FAT3: variants seen among roughly 807,000 people sequenced by gnomAD.
FAT3 encodes protocadherin Fat 3.
In FAT3, 95 loss-of-function variants were observed where a neutral mutation model predicts 310.2. The ratio of observed to expected loss-of-function variants is 0.31; its 90% CI spans 0.26 to 0.36. The LOEUF (loss-of-function observed/expected upper bound fraction) is 0.36, where lower values mean the gene tolerates loss of function less well. FAT3 is among the 10% of genes least tolerant of loss of function. The pLI, the probability that FAT3 is intolerant of heterozygous loss-of-function variation, is 1.00. For missense variants in FAT3, 5,408 were observed against 5,715.6 expected, an observed-to-expected ratio of 0.95 and a Z score of 1.74; for synonymous variants, 2,314 against 2,192.9, an observed-to-expected ratio of 1.06 and a Z score of -1.54.
intron 21 of FAT3, among the ~76,000 whole-genome samples, chr11:92,863,107 T>C (rs549836851): frequency 2.0e-5 from 3 of 152,320 alleles, no homozygotes; most frequent in African/African-American, 7.2e-5. Flanking sequence ...TTTTGTATTT[T>C]TGTTTGTGGG....
intron 2 of FAT3, among the ~76,000 whole-genome samples, chr11:92,448,728 G>T (rs1951280248): frequency 6.6e-6 from 1 of 152,160 alleles, no homozygotes; most frequent in East Asian, 1.9e-4. Flanking sequence ...TGCTGAAAGT[G>T]TGCTGGGAAA....
At chr11:92,860,125 G>T (rs958157339) in intron 21 of FAT3, among the ~76,000 whole-genome samples, 7 of 152,112 alleles carry the variant, frequency 4.6e-5, no homozygotes, top group African/African-American at 1.7e-4. Context: ...CAGTAATCTG[G>T]GTGACAGAGA....
chr11:92,474,141 G>C (rs181879258), intron 2 of FAT3, among the ~76,000 whole-genome samples: 2 of 152,162 alleles, frequency 1.3e-5, no homozygotes, highest in African/African-American at 2.4e-5. Flanking sequence ...TATAAACCCT[G>C]TGCTGAGGCT....
chr11:92,385,930 G>A (rs1240234673), intron 2 of FAT3, among the ~76,000 whole-genome samples: 8 of 152,036 alleles, frequency 5.3e-5, no homozygotes, highest in African/African-American at 1.9e-4. Context: ...CGGATCACTT[G>A]AGTCCAGGAG....
chr11:92,314,124 C>A (rs1334448644), intron 1 of FAT3, among the ~76,000 whole-genome samples: 8 of 152,162 alleles, frequency 5.3e-5, no homozygotes, highest in African/African-American at 1.9e-4. Context: ...ATTTATCAAA[C>A]CTTCAAACTT....
At chr11:92,486,129 G>GTTT (rs1565353395) in intron 2 of FAT3, among the ~76,000 whole-genome samples, 14 of 27,684 alleles carry the variant, frequency 5.1e-4, no homozygotes, top group African/African-American at 1.1e-3. Context: ...AGGCTGCTGG[G>GTTT]GTTTTTTTTT....
chr11:92,327,705 C>T (rs767232950), intron 1 of FAT3, among the ~76,000 whole-genome samples: 18 of 152,120 alleles, frequency 1.2e-4, no homozygotes, highest in Non-Finnish European at 2.1e-4. Context: ...CTGAAAGCTC[C>T]GGGTCCCATC....
At chr11:92,440,292 A>T (rs918682460) in intron 2 of FAT3, among the ~76,000 whole-genome samples, 7 of 152,128 alleles carry the variant, frequency 4.6e-5, no homozygotes, top group African/African-American at 1.4e-4. Flanking sequence ...GGAGTCAGTA[A>T]ATTGTTTGTT....
At chr11:92,280,154 G>A (rs1300002037) in intron 1 of FAT3, among the ~76,000 whole-genome samples, 2 of 152,088 alleles carry the variant, frequency 1.3e-5, no homozygotes, top group Non-Finnish European at 2.9e-5. Flanking sequence ...AAGGAAGAGG[G>A]AACATTAGTG....
At chr11:92,281,484 C>T (rs1055620662) in intron 1 of FAT3, among the ~76,000 whole-genome samples, 1 of 152,126 alleles carries the variant, frequency 6.6e-6, no homozygotes, top group Non-Finnish European at 1.5e-5. Context: ...GATCAGGATG[C>T]CTCTCTTCTG....
intron 4 of FAT3, 105 bp downstream of exon 4, chr11:92,697,550 A>T: frequency 9.1e-7 from 1 of 1,097,910 alleles, no homozygotes. Flanking sequence ...AGTGGATATC[A>T]AAGTGAAGAT....
chr11:92,548,675 C>T (rs978914004), intron 3 of FAT3, among the ~76,000 whole-genome samples: 1 of 152,140 alleles, frequency 6.6e-6, no homozygotes, highest in African/African-American at 2.4e-5. Context: ...CCCTAGAAAC[C>T]TATAGCAGTG....
chr11:92,866,572 G>A (rs1949251781), intron 21 of FAT3, among the ~76,000 whole-genome samples, 169 bp from the exon 22 acceptor site: 1 of 152,182 alleles, frequency 6.6e-6, no homozygotes, highest in Admixed American at 6.5e-5. Flanking sequence ...CAGGTAAGGG[G>A]GAGGCACAGT....
intron 3 of FAT3, among the ~76,000 whole-genome samples, chr11:92,692,124 T>A (rs1943813174): frequency 1.3e-5 from 2 of 152,040 alleles, no homozygotes; most frequent in Admixed American, 6.6e-5. Flanking sequence ...CTGAAAAAAA[T>A]TTTTAAAAGG....
At chr11:92,471,915 CTATATATATATATA>C (rs140886151) in intron 2 of FAT3, among the ~76,000 whole-genome samples, 42,770 of 124,904 alleles carry the variant, frequency 0.34, 8,559 homozygotes, top group South Asian at 0.45. Context: ...TTTTCATATG[CTATATATATATATA>C]TATATATATA....
At chr11:92,575,512 AAAAACCTTGT>A (rs1938436151) in intron 3 of FAT3, among the ~76,000 whole-genome samples, 1 of 152,200 alleles carries the variant, frequency 6.6e-6, no homozygotes, top group Admixed American at 6.5e-5. Context: ...AATCCTCTCT[AAAAACCTTGT>A]AAAAGAATTG....
chr11:92,306,029 G>C (rs1333904204), intron 1 of FAT3, among the ~76,000 whole-genome samples: 1 of 152,016 alleles, frequency 6.6e-6, no homozygotes, highest in Non-Finnish European at 1.5e-5. Context: ...GAAACTCTTT[G>C]AACAAATTTT....
chr11:92,341,478 C>A (rs891980714), intron 1 of FAT3, among the ~76,000 whole-genome samples: 3 of 151,898 alleles, frequency 2.0e-5, no homozygotes, highest in South Asian at 2.1e-4. Flanking sequence ...ACGGGAGAGC[C>A]GAAGGAACAA....
At chr11:92,389,870 C>CT (rs1475528679) in intron 2 of FAT3, among the ~76,000 whole-genome samples, 1 of 151,936 alleles carries the variant, frequency 6.6e-6, no homozygotes, top group Non-Finnish European at 1.5e-5. Context: ...TGGAGTTTTT[C>CT]TTTTTTACCC....
Sources: allele counts gnomAD v4.1 joint callset (sites outside exome capture counted in the v4.1 genomes callset), GRCh38; gene constraint gnomAD v4.1.1; transcripts MANE v1.5; gene names NCBI Gene and HGNC (gene_info 2026-07-23, HGNC 2026-07-21).